Variants in AP1G2 observed in about 807,000 individuals in gnomAD.
AP1G2 encodes adaptor related protein complex 1 subunit gamma 2.
A neutral mutation model predicts 95.8 loss-of-function variants in AP1G2; 85 were observed. The ratio of observed to expected loss-of-function variants is 0.89; its 90% CI spans 0.74 to 1.06. AP1G2 has a LOEUF of 1.06. Among genes scored for constraint, AP1G2 ranks in the 50% least tolerant of loss-of-function variants. The probability of loss-of-function intolerance (pLI) is 0.00; values close to 1 mark genes in which losing one functional copy is unlikely to be tolerated. For missense variants in AP1G2, 967 were observed against 1,005.8 expected, an observed-to-expected ratio of 0.96 and a Z score of 0.52; for synonymous variants, 378 against 400.0, an observed-to-expected ratio of 0.94 and a Z score of 0.66.
chr14:23,562,659 T>C, intron 14 of AP1G2, 66 bp from the exon 15 acceptor site: 5 of 1,527,426 alleles, frequency 3.3e-6, no homozygotes, highest in Admixed American at 1.9e-5. Context: ...TCCCAGCGCA[T>C]TGGGAGGCTG....
Position 23,565,884 on chromosome 14 carries a change from G to T in AP1G2, c.577C>A (p.Leu193Met). ...LLHERHHGIL[L>M]GTITLITELC... ...TCCGTGATCAGCGTGATGGTGCCCA[G>T]CAGGATGCCTGGGGTCAGCGTCGGG... Residue 193 changes from leucine to methionine, a missense_variant, in exon 6 of 22, where the codon CTG becomes ATG. Transcript: ENST00000397120. The T allele has an allele frequency of 6.3e-7, 1 of 1,588,100 alleles. No homozygotes were observed.
intron 14 of AP1G2, 81 bp from the exon 15 acceptor site, chr14:23,562,674 G>A (rs1193416801): frequency 7.7e-6 from 11 of 1,437,340 alleles, no homozygotes; most frequent in Middle Eastern, 1.8e-4. Flanking sequence ...AGGCTGAGGC[G>A]GGAGGATTGC....
intron 3 of AP1G2, 38 bp downstream of exon 3, chr14:23,566,524 A>G (rs1888091904): frequency 1.9e-6 from 3 of 1,611,464 alleles, no homozygotes; most frequent in Non-Finnish European, 2.5e-6. Flanking sequence ...CTACTCTCCC[A>G]TCTCCCTGAT....
Position 23,563,704 on chromosome 14 carries a change from TG to T in AP1G2, c.1232+11del. The T allele has an allele frequency of 6.2e-7, 1 of 1,614,154 alleles. No homozygotes were observed. The highest frequency in any genetic ancestry group is 1.3e-5 in the African/African-American group (1 of 75,042). ...CCCAGATTCTACCCTCTTCGACTCC[TG>T]GGCACCTCACCTCTCTGCAGCCAGC... On this transcript the variant is annotated intron_variant, in intron 12 of 21. Coordinates refer to ENST00000397120, the MANE Select transcript of AP1G2 (RefSeq NM_003917.5).
At chr14:23,566,025 T>C (rs961960430) in intron 5 of AP1G2, 39 bp downstream of exon 5, 6 of 1,614,042 alleles carry the variant, frequency 3.7e-6, no homozygotes, top group Admixed American at 1.7e-5. Context: ...CTTCTGTCCA[T>C]AGACCTGAAG....
At position 23,562,012 on chromosome 14, in the gene AP1G2, C is replaced by T. The variant is rs199999308; in HGVS notation, c.1683G>A (p.Gln561=). The change falls in exon 17 of 22, where the codon CAG becomes CAA. Residue 561 remains glutamine, a synonymous_variant. Coordinates refer to ENST00000397120, the MANE Select transcript of AP1G2 (RefSeq NM_003917.5). ...GTGTGTCATACTCCACAGCCCGCTG[C>T]TGCAGCTCCACGTCCAAGCAGCTCC... ...IYGSCLDVEL[Q]QRAVEYDTLF... 6.2e-7 allele frequency: 1 copy of T among 1,613,662 alleles called. No individual in the cohort carries two copies. The highest frequency in any genetic ancestry group is 1.1e-5 in the South Asian group (1 of 90,994).
intron 5 of AP1G2, 28 bp from the exon 6 acceptor site, chr14:23,565,920 G>A (rs756729739): frequency 6.2e-7 from 1 of 1,600,234 alleles, no homozygotes; most frequent in Non-Finnish European, 8.5e-7. Flanking sequence ...GAAGTGAATG[G>A]TGGGGGCCAG....
chr14:23,560,205 C>T, intron 20 of AP1G2, 50 bp downstream of exon 20: 2 of 1,600,560 alleles, frequency 1.2e-6, no homozygotes, highest in Non-Finnish European at 1.7e-6. Flanking sequence ...ACTTAGTGGC[C>T]TTTTCTCCTG....
At chr14:23,562,998 G>A (rs1429789798) in intron 14 of AP1G2, 2 of 992,144 alleles carry the variant, frequency 2.0e-6, no homozygotes, top group East Asian at 5.2e-5. Flanking sequence ...GGTGGATGAT[G>A]CTTTCTGCCC....
Position 23,566,261 on chromosome 14 carries a change from G to C in AP1G2, c.471+17C>G. On this transcript the variant is annotated intron_variant, in intron 4 of 21. Coordinates refer to ENST00000397120, the MANE Select transcript of AP1G2 (RefSeq NM_003917.5). ...GGCAGTGTGCAGGAGCACGTGCCAG[G>C]AGTCCCGCCATCTCACCTTCTTGCG... is the stretch of plus-strand genomic sequence containing the variant. 1 of 1,613,308 alleles carries C rather than the reference G, an allele frequency of 6.2e-7. No individual in the cohort carries two copies. The highest frequency in any genetic ancestry group is 8.5e-7 in the Non-Finnish European group (1 of 1,179,668).
At chr14:23,559,901 C>A (rs1180540429) in intron 21 of AP1G2, 37 bp downstream of exon 21, 1 of 1,611,642 alleles carries the variant, frequency 6.2e-7, no homozygotes, top group Non-Finnish European at 8.5e-7. Context: ...CTTCTTCTAT[C>A]CCTGGGTCTT....
At position 23,560,014 on chromosome 14, in the gene AP1G2, G is replaced by T; in HGVS notation, c.2180C>A (p.Ala727Asp). ...VPKSLQLQLQ[A>D]PSGNTVPARG... ...AGCTGGAACTGTGTTCCCACTGGGG[G>T]CCTGCAGCTGCAGCTGGAGACTCTG... Residue 727 changes from alanine to aspartate, a missense_variant, in exon 21 of 22, where the codon GCC becomes GAC. Ala to Asp is a moderately radical substitution (Grantham distance 126). Coordinates refer to ENST00000397120, the MANE Select transcript of AP1G2 (RefSeq NM_003917.5). 1 of 1,609,296 alleles carries T rather than the reference G, an allele frequency of 6.2e-7. No individual in the cohort carries two copies. The highest frequency in any genetic ancestry group is 1.7e-5 in the Admixed American group (1 of 59,762).
At chr14:23,564,435 C>A in intron 9 of AP1G2, 47 bp from the exon 10 acceptor site, 1 of 1,611,048 alleles carries the variant, frequency 6.2e-7, no homozygotes, top group South Asian at 1.1e-5. Context: ...GCAACCTGCT[C>A]AGCCATTGAG....
chr14:23,562,493 T>A lies in AP1G2; in HGVS notation c.1500+11A>T. On this transcript the variant is annotated intron_variant, in intron 15 of 21. Coordinates refer to ENST00000397120, the MANE Select transcript of AP1G2 (RefSeq NM_003917.5). The stretch of plus-strand genomic sequence containing the variant: ...AAGTCCCTCCTCAGTGTACCCCCAA[T>A]GAGGTCTCACCTGAAGGGGCTCAAT... 6.2e-7 allele frequency: 1 copy of A among 1,614,150 alleles called. No homozygotes were observed. The highest frequency in any genetic ancestry group is 8.5e-7 in the Non-Finnish European group (1 of 1,179,992).
chr14:23,566,864 G>C (rs1451669695), intron 2 of AP1G2, 178 bp from the exon 3 acceptor site: 2 of 1,000,686 alleles, frequency 2.0e-6, no homozygotes, highest in Admixed American at 2.8e-5. Context: ...GAGGAACTAG[G>C]AGTTGAGGAG....
intron 7 of AP1G2, 172 bp downstream of exon 7, chr14:23,565,434 G>A: frequency 1.4e-6 from 1 of 728,120 alleles, no homozygotes; most frequent in Non-Finnish European, 2.2e-6. Flanking sequence ...CTGACTTTTA[G>A]GCATTCCCTC....
Position 23,559,971 on chromosome 14 carries a change from G to A in AP1G2, c.2223C>T (p.Ile741=). The A allele has an allele frequency of 6.2e-7, 1 of 1,613,308 alleles. No homozygotes were observed. Among genetic ancestry groups the A allele is most frequent in the Non-Finnish European group, 8.5e-7 (1 of 1,179,514 alleles). ...NTVPARGGLP[I]TQLFRILNPN... is the part of the protein sequence containing the mutation. ...GATTGAGGATTCTGAAGAGCTGGGT[G>A]ATAGGAAGGCCACCCCGAGCTGGAA... is the stretch of plus-strand genomic sequence containing the variant. Residue 741 remains isoleucine (I), a synonymous_variant, in exon 21 of 22, where the codon ATC becomes ATT. Coordinates refer to ENST00000397120, the MANE Select transcript of AP1G2 (RefSeq NM_003917.5).
Position 23,559,691 on chromosome 14 carries a change from T to C in AP1G2, c.*58A>G. ...TAGCCCTCAGGTGTAGGTTCGAAGC[T>C]GCTGGGGCCCCCTGGGGTTTGGGAC... On this transcript the variant is annotated 3_prime_UTR_variant, in exon 22 of 22. Coordinates refer to ENST00000397120, the MANE Select transcript of AP1G2 (RefSeq NM_003917.5). The C allele has an allele frequency of 1.3e-6, 2 of 1,559,230 alleles. No individual in the cohort carries two copies. The highest frequency in any genetic ancestry group is 1.8e-6 in the Non-Finnish European group (2 of 1,136,712).
In AP1G2 at chr14:23,567,689, G is replaced by GCAGCGGCAGCGGCAGCGA. The variant is rs61555275; in HGVS notation, c.-6+32_-6+49dup. On this transcript the variant is annotated intron_variant, in intron 1 of 21. Coordinates refer to ENST00000397120, the MANE Select transcript of AP1G2 (RefSeq NM_003917.5). The surrounding 1 kb of genome is among the most constrained non-coding windows in gnomAD (Gnocchi z 5.3). ...CTTCCTCCCCCGATTTCCATCTCAG[G>GCAGCGGCAGCGGCAGCGA]CAGCGGCAGCGGCAGCGACAGCCTG... is the stretch of plus-strand genomic sequence containing the variant. 0.087 allele frequency: 90,057 copies of GCAGCGGCAGCGGCAGCGA among 1,031,536 alleles called. 4,505 individuals carry two copies. Among genetic ancestry groups the GCAGCGGCAGCGGCAGCGA allele is most frequent in the East Asian group, 0.25 (2,426 of 9,658 alleles). The allele number at this position is 1,031,536 out of a possible 1,614,324, so 63.9% of individuals were successfully genotyped here.
Sources: allele counts gnomAD v4.1 joint callset, GRCh38; gene constraint gnomAD v4.1.1; non-coding constraint Gnocchi (gnomAD v3.1); transcripts MANE v1.5; gene names NCBI Gene and HGNC (gene_info 2026-07-23, HGNC 2026-07-21).